Variants in NLRP5 observed in about 807,000 individuals in gnomAD.
NLRP5 encodes NLR family pyrin domain containing 5.
In NLRP5, 93 loss-of-function variants were observed where a neutral mutation model predicts 113.1. The ratio of observed to expected loss-of-function variants is 0.82; its 90% CI spans 0.70 to 0.98. The LOEUF is 0.98. NLRP5 is among the 50% of genes least tolerant of loss of function. The probability of loss-of-function intolerance (pLI) is 0.00; values close to 1 mark genes in which losing one functional copy is unlikely to be tolerated. For missense variants in NLRP5, 1,808 were observed against 1,514.3 expected (o/e 1.19, Z -3.22); for synonymous variants, 751 against 600.7 (o/e 1.25, Z -3.66).
chr19:56,019,232 C>G (rs1405070676), intron 4 of NLRP5, 110 bp from the exon 5 acceptor site: 2 of 1,245,752 alleles, frequency 1.6e-6, no homozygotes, highest in African/African-American at 1.5e-5. Context: ...GCCATGTTTT[C>G]AACTGGCCAG....
intron 1 of NLRP5, among the ~76,000 whole-genome samples, chr19:56,000,383 A>G (rs1190230098): frequency 6.6e-6 from 1 of 151,874 alleles, no homozygotes; most frequent in Non-Finnish European, 1.5e-5. Flanking sequence ...TTGTTTTTTT[A>G]AGACAGAGTC....
intron 12 of NLRP5, among the ~76,000 whole-genome samples, chr19:56,052,728 C>G (rs1329527043): frequency 6.6e-6 from 1 of 152,208 alleles, no homozygotes; most frequent in Non-Finnish European, 1.5e-5. Flanking sequence ...ATTTATGGGG[C>G]CACCCACCCC....
intron 13 of NLRP5, among the ~76,000 whole-genome samples, chr19:56,055,694 C>A (rs558335487): frequency 6.6e-6 from 1 of 151,258 alleles, no homozygotes; most frequent in African/African-American, 2.4e-5. Flanking sequence ...TACAGGTGCC[C>A]GCCACCACGC....
Position 56,061,486 on chromosome 19 carries a change from G to A in NLRP5, c.3561G>A (p.Trp1187Ter), listed in dbSNP as rs1984352165. The change falls in exon 15 of 15, where the codon TGG (tryptophan) becomes TGA (stop). Residue 1187 changes from tryptophan to a stop codon, truncating the protein, a stop_gained. Coordinates refer to ENST00000390649, the MANE Select transcript of NLRP5 (RefSeq NM_153447.4). LOFTEE classifies it high-confidence loss of function. ...CCCGAGTCGTAATTGACGGTAGTTGGCATTCTTTTGATGAAGATGACCGGT... is the reference window on the plus strand; with the variant it reads ...CCCGAGTCGTAATTGACGGTAGTTGACATTCTTTTGATGAAGATGACCGGT... 6.2e-7 allele frequency: 1 copy of A among 1,613,912 alleles called. No individual in the cohort carries two copies. The highest frequency in any genetic ancestry group is 1.7e-5 in the Admixed American group (1 of 60,000).
chr19:56,058,342 C>T lies in NLRP5; in HGVS notation c.3402C>T (p.Phe1134=). The T allele has an allele frequency of 6.2e-7, 1 of 1,614,068 alleles. No homozygotes were observed. ...GTCTAAACCTGGTGCAGAATAACTT[C>T]AGTCCCAAAGGAATGATGAAGCTGT... Residue 1134 remains phenylalanine, a synonymous_variant, in exon 14 of 15, where the codon TTC becomes TTT. Transcript: ENST00000390649.
In NLRP5 at chr19:56,027,562, G is replaced by GC; in HGVS notation, c.1330dup (p.Arg444ProfsTer5). 6.2e-7 allele frequency: 1 copy of GC among 1,614,008 alleles called. No homozygotes were observed. The highest frequency in any genetic ancestry group is 1.1e-5 in the South Asian group (1 of 91,084). ...AACAAAGAATCCACTTGCTCCTTGAGCGCGGGATTGGTGAGCATCAGAAGA... is the reference window on the plus strand; with the variant it reads ...AACAAAGAATCCACTTGCTCCTTGAGCCGCGGGATTGGTGAGCATCAGAAGA... On this transcript the variant is annotated frameshift_variant, in exon 7 of 15. Transcript: ENST00000390649. LOFTEE classifies it high-confidence loss of function.
rs372787386 is a variant in NLRP5 at position 56,032,802 on chromosome 19, C to T, written c.2447+21C>T. 66 of 1,585,714 alleles carry T rather than the reference C, an allele frequency of 4.2e-5. No individual in the cohort carries two copies. In the East Asian group the frequency reaches 4.3e-4, roughly 10 times the overall value. On this transcript the variant is annotated intron_variant, in intron 8 of 14. Transcript: ENST00000390649. ...CTGATGTAAGGCTGCCCGCCCCCTA[C>T]GAGAGAATCCCTTCCCATGACGCTA...
At chr19:56,018,472 A>C (rs1982491105) in intron 4 of NLRP5, 1 of 152,224 alleles carries the variant, frequency 6.6e-6, no homozygotes, top group African/African-American at 2.4e-5. Flanking sequence ...CGACAACATA[A>C]GAACAATTTC....
chr19:56,013,079 C>T (rs940881501), intron 3 of NLRP5, among the ~76,000 whole-genome samples: 4 of 152,172 alleles, frequency 2.6e-5, no homozygotes, highest in Admixed American at 1.3e-4. Context: ...CCCTGGAAAC[C>T]AGTCATCCAC....
upstream of NLRP5, among the ~76,000 whole-genome samples, chr19:55,998,692 A>ACG (rs1555762412): frequency 5.8e-5 from 3 of 51,536 alleles, no homozygotes; most frequent in African/African-American, 1.9e-4. Context: ...ATATATATAT[A>ACG]TATATATATA....
chr19:55,993,234 T>C, the NLRP5 span, among the ~76,000 whole-genome samples: 2 of 151,688 alleles, frequency 1.3e-5, no homozygotes, highest in Non-Finnish European at 2.9e-5. Flanking sequence ...ATTTGTGTTG[T>C]GAACACTCTG....
chr19:56,061,438 G>A lies in NLRP5; in HGVS notation c.3513G>A (p.Leu1171=), dbSNP rs1431266371. Residue 1171 remains leucine, a synonymous_variant, in exon 15 of 15, where the codon CTG becomes CTA. Coordinates refer to ENST00000390649, the MANE Select transcript of NLRP5 (RefSeq NM_153447.4). ...ACCCTGTGCAAATAAGGAAGCTGCTGGAGGAAGTGCAGCTACTCAAGCCCC... is the reference window on the plus strand; with the variant it reads ...ACCCTGTGCAAATAAGGAAGCTGCTAGAGGAAGTGCAGCTACTCAAGCCCC... 2 of 1,613,852 alleles carry A rather than the reference G, an allele frequency of 1.2e-6. No homozygotes were observed. The highest frequency in any genetic ancestry group is 8.5e-7 in the Non-Finnish European group (1 of 1,179,718).
intron 13 of NLRP5, among the ~76,000 whole-genome samples, chr19:56,054,887 C>T (rs1984071806): frequency 6.6e-6 from 1 of 151,932 alleles, no homozygotes; most frequent in African/African-American, 2.4e-5. Context: ...GAGCACTGAC[C>T]ATGCACTAGT....
At chr19:56,016,521 G>A (rs1982409470) in intron 4 of NLRP5, among the ~76,000 whole-genome samples, 1 of 152,082 alleles carries the variant, frequency 6.6e-6, no homozygotes, top group Admixed American at 6.6e-5. Context: ...CAGTCACCAC[G>A]TTGTGCAATA....
intron 11 of NLRP5, among the ~76,000 whole-genome samples, chr19:56,044,594 T>C (rs1168197234): frequency 1.3e-5 from 2 of 152,238 alleles, no homozygotes; most frequent in African/African-American, 4.8e-5. Context: ...TTTGCACGAG[T>C]ACCACACTGT....
At chr19:56,010,510 C>T (rs961558599) in intron 3 of NLRP5, among the ~76,000 whole-genome samples, 17 of 150,790 alleles carry the variant, frequency 1.1e-4, no homozygotes, top group African/African-American at 4.1e-4. Context: ...TTTGGGAGGC[C>T]GAGGTGGGTG....
chr19:56,014,428 C>G (rs1249238725), intron 3 of NLRP5, among the ~76,000 whole-genome samples: 4 of 149,294 alleles, frequency 2.7e-5, no homozygotes, highest in Non-Finnish European at 1.5e-5. Flanking sequence ...TCCAGTGAAC[C>G]AAGATCGTGC....
intron 3 of NLRP5, among the ~76,000 whole-genome samples, chr19:56,011,711 G>A (rs893644637): frequency 2.8e-5 from 4 of 141,660 alleles, no homozygotes; most frequent in Non-Finnish European, 4.6e-5. Context: ...TTTCTTTCCC[G>A]CCTAGATAGT....
chr19:56,002,472 A>G (rs1461646712), intron 1 of NLRP5, among the ~76,000 whole-genome samples: 1 of 150,534 alleles, frequency 6.6e-6, no homozygotes, highest in Admixed American at 6.6e-5. Flanking sequence ...TTTTAATTTT[A>G]TTATTATTAT....
Sources: gnomAD v4.1 joint callset for allele counts (sites outside exome capture counted in the v4.1 genomes callset) on GRCh38, gnomAD v4.1.1 for gene constraint, MANE v1.5 for transcripts, NCBI Gene and HGNC (gene_info 2026-07-23, HGNC 2026-07-21) for gene names.